KIF16B: variants seen among roughly 807,000 people sequenced by gnomAD.
KIF16B encodes the protein kinesin-like protein KIF16B.
A neutral mutation model predicts 156.3 loss-of-function variants in KIF16B; 98 were observed. The observed-to-expected ratio is 0.63, with a 90% CI of 0.53 to 0.74. The LOEUF (loss-of-function observed/expected upper bound fraction) is 0.74, where lower values mean the gene tolerates loss of function less well. Among genes scored for constraint, KIF16B ranks in the 30% least tolerant of loss-of-function variants. KIF16B has a pLI of 0.00. For synonymous variants in KIF16B, 564 were observed against 583.7 expected (o/e 0.97, Z 0.49); for missense variants, 1,421 against 1,606.5 (o/e 0.88, Z 1.97).
intron 1 of KIF16B, among the ~76,000 whole-genome samples, chr20:16,553,878 TC>T (rs1175922781): frequency 1.3e-5 from 2 of 151,350 alleles, no homozygotes; most frequent in Non-Finnish European, 2.9e-5. Flanking sequence ...CAGGAAGGAG[TC>T]CTGCACTGTC....
At chr20:16,440,495 C>A (rs1166863094) in intron 12 of KIF16B, among the ~76,000 whole-genome samples, 1 of 147,658 alleles carries the variant, frequency 6.8e-6, no homozygotes, top group African/African-American at 2.5e-5. Context: ...TAAAACAATC[C>A]ATATTACAAT....
At chr20:16,519,427 G>A (rs8183728) in intron 3 of KIF16B, among the ~76,000 whole-genome samples, 34,590 of 152,110 alleles carry the variant, frequency 0.23, 4,512 homozygotes, top group East Asian at 0.36. Context: ...ATTTTTCCCA[G>A]ATGTTTGATT....
chr20:16,536,625 T>TA, intron 1 of KIF16B, among the ~76,000 whole-genome samples: 1 of 152,286 alleles, frequency 6.6e-6, no homozygotes, highest in Admixed American at 6.5e-5. Flanking sequence ...TTAGGAGAAG[T>TA]AAAACCAAAA....
chr20:16,282,091 G>C (rs2063155659), intron 25 of KIF16B, among the ~76,000 whole-genome samples: 1 of 148,166 alleles, frequency 6.7e-6, no homozygotes, highest in Admixed American at 6.8e-5. Context: ...GAGTGCAGTG[G>C]CATGATCTCA....
intron 12 of KIF16B, among the ~76,000 whole-genome samples, chr20:16,436,989 G>A (rs1375494282): frequency 6.6e-6 from 1 of 152,172 alleles, no homozygotes; most frequent in Non-Finnish European, 1.5e-5. Context: ...GAATGCTCAA[G>A]TCTCTCACGT....
intron 1 of KIF16B, among the ~76,000 whole-genome samples, chr20:16,530,983 G>A (rs546450131): frequency 9.9e-5 from 15 of 152,168 alleles, no homozygotes; most frequent in East Asian, 1.9e-4. Context: ...TTACACACAC[G>A]AGCCACCATG....
chr20:16,432,745 C>T (rs1189399542), intron 12 of KIF16B, among the ~76,000 whole-genome samples: 1 of 150,928 alleles, frequency 6.6e-6, no homozygotes, highest in South Asian at 2.1e-4. Flanking sequence ...ACAACAACAA[C>T]AAAAAAAGGA....
At chr20:16,375,712 T>G (rs1600236086) in intron 19 of KIF16B, among the ~76,000 whole-genome samples, 1 of 149,048 alleles carries the variant, frequency 6.7e-6, no homozygotes. Flanking sequence ...GAGCTGGATG[T>G]AGGCAGGCAA....
At chr20:16,404,583 G>C (rs1357526757) in intron 17 of KIF16B, among the ~76,000 whole-genome samples, 1 of 152,164 alleles carries the variant, frequency 6.6e-6, no homozygotes, top group African/African-American at 2.4e-5. Context: ...TTATTATGCT[G>C]TTAAGCAAAA....
intron 12 of KIF16B, among the ~76,000 whole-genome samples, chr20:16,467,743 A>G (rs2067535016): frequency 6.6e-6 from 1 of 151,984 alleles, no homozygotes; most frequent in South Asian, 2.1e-4. Context: ...GGCCAACCTA[A>G]AATCCTGTAC....
chr20:16,569,968 A>ATG (rs1353430857), intron 1 of KIF16B, among the ~76,000 whole-genome samples: 27 of 137,558 alleles, frequency 2.0e-4, no homozygotes, highest in African/African-American at 8.2e-4. Context: ...ATATAGATGA[A>ATG]TCTGTGTGTG....
chr20:16,308,216 C>T (rs718842), intron 25 of KIF16B, among the ~76,000 whole-genome samples: 55,320 of 151,916 alleles, frequency 0.36, 10,363 homozygotes, highest in African/African-American at 0.45. Flanking sequence ...ACAACGAAAA[C>T]AAGATTATAA....
intron 10 of KIF16B, among the ~76,000 whole-genome samples, chr20:16,501,207 C>G (rs1023502735): frequency 2.6e-4 from 40 of 151,850 alleles, no homozygotes; most frequent in Non-Finnish European, 5.0e-4. Context: ...AGAATTGAAC[C>G]AGCACTTTTA....
chr20:16,506,270 C>T (rs2068776138), intron 7 of KIF16B, 80 bp from the exon 8 acceptor site: 2 of 1,168,944 alleles, frequency 1.7e-6, no homozygotes, highest in African/African-American at 1.5e-5. Context: ...TAACTATTTT[C>T]TGCTCCTCAC....
At chr20:16,315,980 C>T (rs532931220) in intron 24 of KIF16B, among the ~76,000 whole-genome samples, 2 of 152,280 alleles carry the variant, frequency 1.3e-5, no homozygotes, top group Admixed American at 6.5e-5. Flanking sequence ...ATATTTCCAT[C>T]GGAAACAGCT....
chr20:16,427,216 A>C lies in KIF16B; in HGVS notation c.1500T>G (p.Ser500Arg). ...DIVLHGLDLE[S>R]EHCIFENIGG... Reference sequence around the variant, plus strand: ...CGATATTTTCAAAGATGCAATGCTCACTCTCCAAGTCAAGGCCATGAAGAA... The same window carrying C: ...CGATATTTTCAAAGATGCAATGCTCCCTCTCCAAGTCAAGGCCATGAAGAA... The change falls in exon 15 of 26, where the codon AGT becomes AGG. Residue 500 changes from serine (S) to arginine (R), a missense_variant. Transcript: ENST00000354981. The C allele has an allele frequency of 6.2e-7, 1 of 1,612,252 alleles. No homozygotes were observed. Among genetic ancestry groups the C allele is most frequent in the Middle Eastern group, 1.7e-4 (1 of 6,050 alleles).
intron 25 of KIF16B, among the ~76,000 whole-genome samples, chr20:16,287,940 A>G (rs561473193): frequency 2.6e-5 from 4 of 152,206 alleles, no homozygotes; most frequent in African/African-American, 4.8e-5. Context: ...GTGCCACTCA[A>G]CCTCACTTGG....
At chr20:16,474,293 A>C (rs932165030) in intron 12 of KIF16B, among the ~76,000 whole-genome samples, 13 of 152,182 alleles carry the variant, frequency 8.5e-5, no homozygotes, top group Non-Finnish European at 5.9e-5. Context: ...TAGCTGTGTC[A>C]AGTTTCTTAC....
At position 16,524,130 on chromosome 20, in the gene KIF16B, T is replaced by G. The variant is rs916356946; in HGVS notation, c.231+1962A>C. 4.0e-4 allele frequency among the ~76,000 whole-genome samples: 61 copies of G among 152,106 alleles called. 1 individual carries two copies. Among genetic ancestry groups the G allele is most frequent in the Non-Finnish European group, 7.8e-4 (53 of 68,022 alleles). ...TAGGCATGGGCAAAGATTTCACGAC[T>G]AAAACACCAAAAGCAATGGCAACAA... On this transcript the variant is annotated intron_variant, in intron 3 of 25. Coordinates refer to ENST00000354981, the MANE Select transcript of KIF16B (RefSeq NM_024704.5).
Sources: gnomAD v4.1 joint callset for allele counts (sites outside exome capture counted in the v4.1 genomes callset) on GRCh38, gnomAD v4.1.1 for gene constraint, MANE v1.5 for transcripts, NCBI Gene and HGNC (gene_info 2026-07-23, HGNC 2026-07-21) for gene names.